DPP6: variants seen among roughly 807,000 people sequenced by gnomAD.
DPP6 encodes the protein dipeptidyl peptidase like 6.
A neutral mutation model predicts 122.6 loss-of-function variants in DPP6; 69 were observed. That is an observed-to-expected ratio of 0.56 (90% CI 0.46 to 0.69). DPP6 has a LOEUF of 0.69. Among genes scored for constraint, DPP6 ranks in the 30% least tolerant of loss-of-function variants. DPP6 has a pLI of 0.00. For missense variants in DPP6, 928 were observed against 1,116.9 expected, an observed-to-expected ratio of 0.83 and a Z score of 2.41; for synonymous variants, 418 against 433.1, an observed-to-expected ratio of 0.97 and a Z score of 0.43.
At chr7:154,522,175 C>T (rs555052661) in intron 3 of DPP6, among the ~76,000 whole-genome samples, 1 of 152,070 alleles carries the variant, frequency 6.6e-6, no homozygotes, top group Non-Finnish European at 1.5e-5. Context: ...GGGGTTTCAC[C>T]GCGTTAGCCA....
chr7:154,204,748 A>G (rs1031913279), intron 1 of DPP6, among the ~76,000 whole-genome samples: 1 of 151,898 alleles, frequency 6.6e-6, no homozygotes, highest in African/African-American at 2.4e-5. Flanking sequence ...GGAAGCAGCA[A>G]TAACCTAGGA....
At chr7:154,513,249 GC>G (rs1347896569) in intron 3 of DPP6, among the ~76,000 whole-genome samples, 4 of 152,070 alleles carry the variant, frequency 2.6e-5, no homozygotes, top group Non-Finnish European at 5.9e-5. Context: ...TGAAACCACT[GC>G]TTTTTGTGAA....
rs1038559760 is a variant in DPP6, at chr7:154,411,985, A to G, written c.244-34229A>G. Among the ~76,000 whole-genome samples the G allele has an allele frequency of 2.6e-5, 4 of 152,070 alleles. No individual in the cohort carries two copies. In the East Asian group the frequency reaches 5.8e-4, roughly 22 times the overall value. On this transcript the variant is annotated intron_variant, in intron 1 of 25. Coordinates refer to ENST00000377770, the MANE Select transcript of DPP6 (RefSeq NM_130797.4). ...TAGAAACAGCAGAACTTGACTTCTC[A>G]CCATTCTGGAGACCGAGAAGTCCAA...
chr7:154,509,295 T>C (rs10243290), intron 3 of DPP6, among the ~76,000 whole-genome samples: 40,368 of 152,052 alleles, frequency 0.27, 5,558 homozygotes, highest in Non-Finnish European at 0.29. Flanking sequence ...AAAAGACAAT[T>C]ATTCCAATTT....
intron 1 of DPP6, among the ~76,000 whole-genome samples, chr7:154,104,407 C>T (rs1805991404): frequency 6.6e-6 from 1 of 152,234 alleles, no homozygotes. Flanking sequence ...GACTAATGGG[C>T]TCTTCCTTCA....
chr7:153,849,188 G>C, the DPP6 span, among the ~76,000 whole-genome samples: 1 of 152,100 alleles, frequency 6.6e-6, no homozygotes, highest in Non-Finnish European at 1.5e-5. Context: ...TGTTTGACTT[G>C]ATGTTTTATA....
chr7:154,125,447 A>C (rs576791109), intron 1 of DPP6, among the ~76,000 whole-genome samples: 2 of 152,242 alleles, frequency 1.3e-5, no homozygotes, highest in Non-Finnish European at 2.9e-5. Context: ...GCTAAGAAAC[A>C]TAATGAAATG....
chr7:153,918,614 C>G (rs1046571049), intron 1 of DPP6, among the ~76,000 whole-genome samples: 8 of 58,382 alleles, frequency 1.4e-4, no homozygotes, highest in Admixed American at 2.0e-4. Context: ...CTCTCTCTCT[C>G]TCTCTGTCTC....
chr7:153,839,899 T>C, the DPP6 span, among the ~76,000 whole-genome samples: 1 of 152,310 alleles, frequency 6.6e-6, no homozygotes, highest in African/African-American at 2.4e-5. Flanking sequence ...AGGTCCACAT[T>C]TGGAGAACTG....
intron 1 of DPP6, among the ~76,000 whole-genome samples, chr7:153,918,544 C>A (rs1800458042): frequency 7.2e-6 from 1 of 139,808 alleles, no homozygotes; most frequent in South Asian, 2.3e-4. Context: ...CACACACACA[C>A]ACACACACAC....
intron 1 of DPP6, among the ~76,000 whole-genome samples, chr7:154,031,164 A>G (rs1394035301): frequency 6.6e-6 from 1 of 152,000 alleles, no homozygotes; most frequent in Non-Finnish European, 1.5e-5. Flanking sequence ...CACTAACACA[A>G]TGATGATGTG....
chr7:153,983,214 G>A (rs556128728), intron 1 of DPP6, among the ~76,000 whole-genome samples: 104 of 152,346 alleles, frequency 6.8e-4, no homozygotes, highest in African/African-American at 2.2e-3. Flanking sequence ...CCTGACTGGG[G>A]CTGCTGCCTT....
At position 154,336,054 on chromosome 7, in the gene DPP6, A is replaced by G. The variant is rs557190406; in HGVS notation, c.244-110160A>G. Among the ~76,000 whole-genome samples the G allele has an allele frequency of 4.6e-5, 7 of 151,930 alleles. No individual in the cohort carries two copies. In the South Asian group the frequency reaches 1.5e-3, roughly 32 times the overall value. ...TGGTCCATGTTTTACTACTGTATTGATGTTTTTCCACAAATACCTGTAGAA... is the reference window on the plus strand; with the variant it reads ...TGGTCCATGTTTTACTACTGTATTGGTGTTTTTCCACAAATACCTGTAGAA... On this transcript the variant is annotated intron_variant, in intron 1 of 25. Coordinates refer to ENST00000377770, the MANE Select transcript of DPP6 (RefSeq NM_130797.4).
intron 1 of DPP6, among the ~76,000 whole-genome samples, chr7:154,157,538 C>T (rs550553383): frequency 7.0e-4 from 107 of 152,364 alleles, no homozygotes; most frequent in African/African-American, 2.5e-3. Flanking sequence ...CTCTCTCCTC[C>T]TGAACTCTGG....
chr7:154,364,143 T>C (rs1181211941), intron 1 of DPP6, among the ~76,000 whole-genome samples: 2 of 152,110 alleles, frequency 1.3e-5, no homozygotes, highest in African/African-American at 4.8e-5. Flanking sequence ...TAAACACAAA[T>C]ATAACCAGTA....
rs796088662 is a variant in DPP6, at chr7:154,207,967, A to T, written c.243+154904A>T. Among the ~76,000 whole-genome samples the T allele has an allele frequency of 4.8e-4, 73 of 151,458 alleles. No individual in the cohort carries two copies. The East Asian group carries it at 9.1e-3, about 19-fold the overall frequency. Reference sequence around the variant, plus strand: ...GAGACTGCCTCAAAAAAAAAAAAAAATTTAAGAATATGTGTATTCCCGTTT... The same window carrying T: ...GAGACTGCCTCAAAAAAAAAAAAAATTTTAAGAATATGTGTATTCCCGTTT... On this transcript the variant is annotated intron_variant, in intron 1 of 25. Transcript: ENST00000377770.
Position 154,135,387 on chromosome 7 carries a change from C to G in DPP6, c.243+82324C>G, listed in dbSNP as rs1158553315. Among the ~76,000 whole-genome samples, 6 of 151,832 alleles carry G rather than the reference C, an allele frequency of 4.0e-5. 1 individual carries two copies. The highest frequency in any genetic ancestry group is 1.2e-4 in the African/African-American group (5 of 41,376). ...GGCCACACTTCCTATCTGTGCACTT[C>G]CTTTGAGCATACACCTCCTATCTAT... On this transcript the variant is annotated intron_variant, in intron 1 of 25. Coordinates refer to ENST00000377770, the MANE Select transcript of DPP6 (RefSeq NM_130797.4).
intron 5 of DPP6, among the ~76,000 whole-genome samples, chr7:154,596,896 A>G (rs1444734803): frequency 1.0e-5 from 1 of 96,650 alleles, no homozygotes. Context: ...TATTTTAGGA[A>G]ATTTTAAAAT....
chr7:154,313,368 T>C (rs1412254258), intron 1 of DPP6, among the ~76,000 whole-genome samples: 1 of 151,926 alleles, frequency 6.6e-6, no homozygotes, highest in Admixed American at 6.6e-5. Flanking sequence ...AAACAGGAAC[T>C]GTGATATGAA....
Sources: gnomAD v4.1 joint callset for allele counts (sites outside exome capture counted in the v4.1 genomes callset) on GRCh38, gnomAD v4.1.1 for gene constraint, MANE v1.5 for transcripts, NCBI Gene and HGNC (gene_info 2026-07-23, HGNC 2026-07-21) for gene names.